KCND2: variants seen among roughly 807,000 people sequenced by gnomAD.
The protein encoded by KCND2 is A-type voltage-gated potassium channel KCND2.
A neutral mutation model predicts 54.4 loss-of-function variants in KCND2; 16 were observed. The observed-to-expected ratio is 0.29, with a 90% CI of 0.20 to 0.45. The LOEUF is 0.45. KCND2 is among the 20% of genes least tolerant of loss of function. The pLI is 1.00. For missense variants in KCND2, 486 were observed against 824.2 expected (o/e 0.59, Z 5.02); for synonymous variants, 317 against 310.7 (o/e 1.02, Z -0.21).
At chr7:120,706,954 C>G (rs1792476520) in intron 1 of KCND2, among the ~76,000 whole-genome samples, 1 of 152,004 alleles carries the variant, frequency 6.6e-6, no homozygotes, top group African/African-American at 2.4e-5. Flanking sequence ...TGTATTTTGT[C>G]TAATTGATAG....
At chr7:120,715,808 A>G (rs1792595686) in intron 1 of KCND2, among the ~76,000 whole-genome samples, 3 of 152,044 alleles carry the variant, frequency 2.0e-5, no homozygotes, top group Admixed American at 2.0e-4. Context: ...TTCTGACTTG[A>G]TATTAAAGCC....
chr7:120,679,991 A>T (rs566901864), intron 1 of KCND2, among the ~76,000 whole-genome samples: 40 of 152,228 alleles, frequency 2.6e-4, no homozygotes, highest in Non-Finnish European at 4.6e-4. Context: ...GACGGTTTAG[A>T]CTTGAGTAGA....
chr7:120,454,060 G>A (rs1802159135), intron 1 of KCND2, among the ~76,000 whole-genome samples: 1 of 152,114 alleles, frequency 6.6e-6, no homozygotes, highest in African/African-American at 2.4e-5. Context: ...CTCCAGCCTG[G>A]GTGACAGAGC....
intron 1 of KCND2, among the ~76,000 whole-genome samples, chr7:120,351,300 T>C (rs1436238375): frequency 1.4e-5 from 2 of 147,000 alleles, no homozygotes; most frequent in Non-Finnish European, 3.0e-5. Context: ...ATATTATGTA[T>C]CATACAATTT....
intron 1 of KCND2, among the ~76,000 whole-genome samples, chr7:120,398,723 C>T (rs1236577053): frequency 6.6e-6 from 1 of 152,008 alleles, no homozygotes; most frequent in Non-Finnish European, 1.5e-5. Context: ...TGTGGAGTCA[C>T]CCACACCTTG....
chr7:120,588,402 A>AGTGT (rs3993713), intron 1 of KCND2, among the ~76,000 whole-genome samples: 62,378 of 141,118 alleles, frequency 0.44, 15,130 homozygotes, highest in Non-Finnish European at 0.56. Flanking sequence ...GCAACTGTGC[A>AGTGT]GTGTGTGTGT....
At chr7:120,306,220 G>A (rs545271111) in intron 1 of KCND2, among the ~76,000 whole-genome samples, 1 of 152,096 alleles carries the variant, frequency 6.6e-6, no homozygotes, top group South Asian at 2.1e-4. Flanking sequence ...CCGTAAAACA[G>A]CACTTAATTA....
At chr7:120,369,773 A>G (rs770755136) in intron 1 of KCND2, among the ~76,000 whole-genome samples, 2 of 152,170 alleles carry the variant, frequency 1.3e-5, no homozygotes, top group South Asian at 2.1e-4. Context: ...ATTCACTCAG[A>G]CAACAATATT....
chr7:120,277,544 G>A (rs948746977), intron 1 of KCND2, among the ~76,000 whole-genome samples: 1 of 152,028 alleles, frequency 6.6e-6, no homozygotes, highest in Non-Finnish European at 1.5e-5. Context: ...TGTGTTTCTT[G>A]AGGTATCAGT....
intron 1 of KCND2, among the ~76,000 whole-genome samples, chr7:120,435,052 C>T (rs189708867): frequency 1.3e-4 from 20 of 151,838 alleles, no homozygotes; most frequent in Middle Eastern, 3.4e-3. Flanking sequence ...ACCTATCTTG[C>T]ACATTTTAAA....
chr7:120,320,869 GAAGAT>G, intron 1 of KCND2, among the ~76,000 whole-genome samples: 1 of 152,202 alleles, frequency 6.6e-6, no homozygotes, highest in East Asian at 1.9e-4. Context: ...GTTTATTGGA[GAAGAT>G]AAGTTCACTG....
intron 1 of KCND2, among the ~76,000 whole-genome samples, chr7:120,498,390 G>A (rs1468419406): frequency 3.0e-5 from 4 of 134,734 alleles, no homozygotes; most frequent in African/African-American, 1.4e-4. Flanking sequence ...TGAGGCAGGA[G>A]AATCACTTGA....
chr7:120,697,162 G>T (rs1434265703), intron 1 of KCND2, among the ~76,000 whole-genome samples: 1 of 152,024 alleles, frequency 6.6e-6, no homozygotes, highest in Admixed American at 6.6e-5. Flanking sequence ...TTACAGATAT[G>T]GTTTATGTGT....
chr7:120,411,098 C>CA (rs1801444014), intron 1 of KCND2, among the ~76,000 whole-genome samples: 1 of 151,998 alleles, frequency 6.6e-6, no homozygotes, highest in South Asian at 2.1e-4. Flanking sequence ...TCTCAGGATT[C>CA]AAAATCAATG....
chr7:120,585,800 C>T (rs899737516), intron 1 of KCND2, among the ~76,000 whole-genome samples: 6 of 152,106 alleles, frequency 3.9e-5, no homozygotes, highest in African/African-American at 1.4e-4. Context: ...AATATTTGAA[C>T]GCAATGATAA....
chr7:120,472,595 T>C (rs182597119), intron 1 of KCND2, among the ~76,000 whole-genome samples: 21 of 152,178 alleles, frequency 1.4e-4, no homozygotes, highest in Non-Finnish European at 4.4e-5. Context: ...AGTTTTTTGT[T>C]TGTTTGCTAA....
At chr7:120,695,181 A>C (rs1038745938) in intron 1 of KCND2, among the ~76,000 whole-genome samples, 7 of 151,258 alleles carry the variant, frequency 4.6e-5, no homozygotes, top group African/African-American at 1.7e-4. Flanking sequence ...CTCAGTTCAA[A>C]CTGTTATATA....
intron 4 of KCND2, among the ~76,000 whole-genome samples, chr7:120,744,685 A>G (rs1372943846): frequency 6.6e-6 from 1 of 152,188 alleles, no homozygotes; most frequent in African/African-American, 2.4e-5. Context: ...AGAAATGACA[A>G]AACGAGTAGC....
chr7:120,747,559 TATA>T, intron 5 of KCND2, 119 bp from the exon 6 acceptor site: 3 of 684,898 alleles, frequency 4.4e-6, no homozygotes, highest in East Asian at 2.8e-5. Flanking sequence ...TATTTTTAAT[TATA>T]ATAACTTTCC....
Sources: allele counts gnomAD v4.1 joint callset (sites outside exome capture counted in the v4.1 genomes callset), GRCh38; gene constraint gnomAD v4.1.1; transcripts MANE v1.5; gene names NCBI Gene and HGNC (gene_info 2026-07-23, HGNC 2026-07-21).